LTF: variants seen among roughly 807,000 people sequenced by gnomAD.
LTF encodes the protein lactotransferrin.
LTF carries 91 observed loss-of-function variants against 87.2 expected under a neutral mutation model. That is an observed-to-expected ratio of 1.04 (90% CI 0.88 to 1.24). LTF has a LOEUF of 1.24. Ranked by LOEUF, LTF falls within the 50% of genes most tolerant of loss-of-function variation. The pLI, the probability that LTF is intolerant of heterozygous loss-of-function variation, is 0.00. For missense variants in LTF, 901 were observed against 904.3 expected, an observed-to-expected ratio of 1.00 and a Z score of 0.05; for synonymous variants, 378 against 356.1, an observed-to-expected ratio of 1.06 and a Z score of -0.69.
At chr3:46,463,968 G>C (rs967412838) in intron 1 of LTF, among the ~76,000 whole-genome samples, 3 of 152,186 alleles carry the variant, frequency 2.0e-5, no homozygotes, top group African/African-American at 7.2e-5. Flanking sequence ...GGTAGATGCC[G>C]TAAGACAAGT....
chr3:46,480,811 T>C (rs1368769854), intron 1 of LTF, among the ~76,000 whole-genome samples: 2 of 152,082 alleles, frequency 1.3e-5, no homozygotes, highest in Non-Finnish European at 2.9e-5. Context: ...ATACAAGACG[T>C]GAGAATTAAA....
intron 1 of LTF, chr3:46,460,446 A>C (rs1353377241): frequency 2.9e-5 from 12 of 409,194 alleles, no homozygotes; most frequent in Non-Finnish European, 5.4e-5. Flanking sequence ...CTCTGCACAG[A>C]AAGACTGGTG....
chr3:46,447,435 G>T, intron 9 of LTF, 37 bp from the exon 10 acceptor site: 1 of 1,439,280 alleles, frequency 6.9e-7, no homozygotes, highest in Non-Finnish European at 9.8e-7. Flanking sequence ...ACCACAGTGA[G>T]GCTGCATCCC....
intron 13 of LTF, among the ~76,000 whole-genome samples, chr3:46,442,770 C>G (rs6441990): frequency 0.35 from 53,374 of 151,906 alleles, 9,876 homozygotes; most frequent in East Asian, 0.67. Flanking sequence ...GCCATCTGGT[C>G]GTGAAATGTA....
intron 1 of LTF, among the ~76,000 whole-genome samples, chr3:46,464,410 T>C (rs931244938): frequency 4.6e-5 from 7 of 152,162 alleles, no homozygotes; most frequent in Non-Finnish European, 1.0e-4. Flanking sequence ...AAAGGCTCGG[T>C]CTTGCTGGGG....
intron 1 of LTF, among the ~76,000 whole-genome samples, chr3:46,478,881 G>A (rs956724530): frequency 6.6e-6 from 1 of 152,190 alleles, no homozygotes; most frequent in African/African-American, 2.4e-5. Context: ...GCCCAGAGAG[G>A]GCGTGTGGCC....
chr3:46,459,743 T>C lies in LTF; in HGVS notation c.120A>G (p.Gln40=), dbSNP rs771323147. 2.5e-6 allele frequency: 4 copies of C among 1,583,466 alleles called. No individual in the cohort carries two copies. The highest frequency in any genetic ancestry group is 2.8e-5 in the African/African-American group (2 of 71,648). The change falls in exon 2 of 17, where the codon CAA becomes CAG. Residue 40 remains glutamine (Q), a synonymous_variant. Transcript: ENST00000231751. The part of the protein sequence containing the change: ...VSQPEATKCF[Q]WQRNMRKVRG... ...GCACTTTTCTCATATTCCTTTGCCA[T>C]TGGAAGCATTTTGTGGCCTCGGGTT...
At chr3:46,452,063 A>T (rs1276766446) in intron 6 of LTF, among the ~76,000 whole-genome samples, 1 of 152,268 alleles carries the variant, frequency 6.6e-6, no homozygotes, top group Non-Finnish European at 1.5e-5. Flanking sequence ...GAAATGTGAG[A>T]TATAAACACT....
At chr3:46,444,066 T>G (rs1575308387) in intron 12 of LTF, among the ~76,000 whole-genome samples, 1 of 151,746 alleles carries the variant, frequency 6.6e-6, no homozygotes, top group Admixed American at 6.6e-5. Context: ...TCAGCAGGAG[T>G]GTTGGGCGCC....
intron 1 of LTF, among the ~76,000 whole-genome samples, chr3:46,480,865 T>A (rs942056485): frequency 6.6e-6 from 1 of 152,146 alleles, no homozygotes; most frequent in Non-Finnish European, 1.5e-5. Flanking sequence ...TTCCTCAAAC[T>A]AGGCATCTGC....
At chr3:46,455,575 TG>T in intron 4 of LTF, 133 bp from the exon 5 acceptor site, 1 of 1,234,778 alleles carries the variant, frequency 8.1e-7, no homozygotes. Context: ...GTCATGGGGC[TG>T]GGAGCTCGAG....
chr3:46,447,405 A>C lies in LTF; in HGVS notation c.1213-7T>G, dbSNP rs1441599638. 1 of 1,600,220 alleles carries C rather than the reference A, an allele frequency of 6.2e-7. No homozygotes were observed. The highest frequency in any genetic ancestry group is 8.6e-7 in the Non-Finnish European group (1 of 1,167,626). On this transcript the variant is annotated splice_polypyrimidine_tract_variant and splice_region_variant and intron_variant, in intron 9 of 16. Coordinates refer to ENST00000231751, the MANE Select transcript of LTF (RefSeq NM_002343.6). Reference sequence around the variant, plus strand: ...TGGCATCAGCTTCTCCTTTCTGCAAAGACAGAGCAGATCTCCAGCACCACA... The same window carrying C: ...TGGCATCAGCTTCTCCTTTCTGCAACGACAGAGCAGATCTCCAGCACCACA...
Position 46,450,664 on chromosome 3 carries a change from G to C in LTF, c.713C>G (p.Ser238Ter). Residue 238 changes from serine (S) to a stop codon, truncating the protein, a stop_gained, in exon 7 of 17, where the codon TCA (serine) becomes TGA (stop). Transcript: ENST00000231751. LOFTEE classifies it high-confidence loss of function. ...ATACTCGTCCCTTTCAGCCTCGTCTGACAGGTCCTCTGCAGGGAAGGTGAG... is the reference window on the plus strand; with the variant it reads ...ATACTCGTCCCTTTCAGCCTCGTCTCACAGGTCCTCTGCAGGGAAGGTGAG... ...IRESTVFEDLSDEAERDEYEL... is the reference protein window; with the variant it reads ...IRESTVFEDL 1 of 1,610,242 alleles carries C rather than the reference G, an allele frequency of 6.2e-7. No individual in the cohort carries two copies. The highest frequency in any genetic ancestry group is 1.7e-4 in the Middle Eastern group (1 of 6,050).
chr3:46,447,469 C>G, intron 9 of LTF, 71 bp from the exon 10 acceptor site: 1 of 1,063,090 alleles, frequency 9.4e-7, no homozygotes, highest in South Asian at 1.3e-5. Flanking sequence ...ATATAGCTCT[C>G]TGAGAGAATG....
At chr3:46,441,750 A>G in intron 13 of LTF, 1 of 375,690 alleles carries the variant, frequency 2.7e-6, no homozygotes, top group Non-Finnish European at 4.8e-6. Flanking sequence ...GAAGTAAGAC[A>G]AAGGAAAGCA....
Position 46,450,592 on chromosome 3 carries a change from T to C in LTF, c.785A>G (p.Lys262Arg). The C allele has an allele frequency of 3.7e-6, 6 of 1,614,170 alleles. 1 individual carries two copies. In the South Asian group the frequency reaches 4.4e-5, roughly 12 times the overall value. The change falls in exon 7 of 17, where the codon AAA (lysine) becomes AGA (arginine). Residue 262 changes from lysine to arginine, a missense_variant. By Grantham distance (26) the Lys-to-Arg change is conservative. Coordinates refer to ENST00000231751, the MANE Select transcript of LTF (RefSeq NM_002343.6). ...AGGGACCCGGGCCAGATGGCAGTCT[T>C]TGAACTTGTCCACTGGCTTCCGAGT... ...DNTRKPVDKFKDCHLARVPSH... is the reference protein window; with the variant it reads ...DNTRKPVDKFRDCHLARVPSH...
At chr3:46,467,395 G>A (rs1185201192), upstream of LTF, among the ~76,000 whole-genome samples, 2 of 152,058 alleles carry the variant, frequency 1.3e-5, no homozygotes, top group Non-Finnish European at 2.9e-5. Context: ...AAGCAAGTGA[G>A]TGTGAGGGCC....
intron 1 of LTF, among the ~76,000 whole-genome samples, chr3:46,462,104 AACTATCCCAC>A (rs1379392476): frequency 6.6e-6 from 1 of 152,198 alleles, no homozygotes; most frequent in African/African-American, 2.4e-5. Context: ...GCCTTTATAG[AACTATCCCAC>A]ACTGAGAATT....
chr3:46,442,164 A>G (rs1056642217), intron 13 of LTF, among the ~76,000 whole-genome samples: 6 of 152,172 alleles, frequency 3.9e-5, no homozygotes, highest in Non-Finnish European at 7.3e-5. Flanking sequence ...TTACACAGTC[A>G]TAAGTACTGA....
Sources: gnomAD v4.1 joint callset for allele counts (sites outside exome capture counted in the v4.1 genomes callset) on GRCh38, gnomAD v4.1.1 for gene constraint, MANE v1.5 for transcripts, NCBI Gene and HGNC (gene_info 2026-07-23, HGNC 2026-07-21) for gene names.